TSPAN15: variants seen among roughly 807,000 people sequenced by gnomAD.
TSPAN15 encodes the protein tetraspanin-15.
A neutral mutation model predicts 34.5 loss-of-function variants in TSPAN15; 20 were observed. The ratio of observed to expected loss-of-function variants is 0.58; its 90% CI spans 0.41 to 0.84. TSPAN15 has a LOEUF of 0.84. TSPAN15 is among the 40% of genes least tolerant of loss of function. TSPAN15 has a pLI of 0.00. For missense variants in TSPAN15, 313 were observed against 386.1 expected, an observed-to-expected ratio of 0.81 and a Z score of 1.59; for synonymous variants, 155 against 153.9, an observed-to-expected ratio of 1.01 and a Z score of -0.05.
the TSPAN15 span, among the ~76,000 whole-genome samples, chr10:69,535,923 G>T: frequency 6.6e-6 from 1 of 152,358 alleles, no homozygotes; most frequent in South Asian, 2.1e-4. Flanking sequence ...CCCAGGGGTT[G>T]TGGGGGCAAA....
the TSPAN15 span, among the ~76,000 whole-genome samples, chr10:69,524,811 G>C: frequency 7.1e-6 from 1 of 140,522 alleles, no homozygotes; most frequent in Non-Finnish European, 1.5e-5. Context: ...ACGAAGTCTC[G>C]CTCTTGTCAC....
the TSPAN15 span, among the ~76,000 whole-genome samples, chr10:69,538,282 C>T: frequency 0.19 from 28,815 of 151,916 alleles, 2,998 homozygotes; most frequent in East Asian, 0.29. Flanking sequence ...GAATGTGGGT[C>T]GGAGAAAGAG....
At chr10:69,502,371 A>C (rs1478324363) in intron 5 of TSPAN15, among the ~76,000 whole-genome samples, 1 of 151,458 alleles carries the variant, frequency 6.6e-6, no homozygotes, top group African/African-American at 2.4e-5. Flanking sequence ...ATTTTCACGT[A>C]CCTCCCCTCC....
At chr10:69,540,825 G>T in the TSPAN15 span, among the ~76,000 whole-genome samples, 1 of 151,856 alleles carries the variant, frequency 6.6e-6, no homozygotes, top group Non-Finnish European at 1.5e-5. Flanking sequence ...GACCAGGTGG[G>T]AGGGGCGAGG....
the TSPAN15 span, among the ~76,000 whole-genome samples, chr10:69,527,232 T>C: frequency 4.1e-5 from 6 of 147,902 alleles, 1 homozygote; most frequent in Non-Finnish European, 8.9e-5. Context: ...CTGGGCCACG[T>C]TGGAAAAAGA....
chr10:69,500,636 G>A (rs1842185198), intron 5 of TSPAN15, among the ~76,000 whole-genome samples: 2 of 152,136 alleles, frequency 1.3e-5, no homozygotes, highest in South Asian at 2.1e-4. Flanking sequence ...TATGGTCACT[G>A]AGGAGAGGGC....
intron 1 of TSPAN15, among the ~76,000 whole-genome samples, chr10:69,467,857 G>A (rs769977169): frequency 4.7e-5 from 7 of 150,096 alleles, no homozygotes; most frequent in Non-Finnish European, 8.9e-5. Context: ...CAGCATCACA[G>A]TTTATACATT....
chr10:69,543,902 T>TGTG, the TSPAN15 span, among the ~76,000 whole-genome samples: 1 of 78,328 alleles, frequency 1.3e-5, no homozygotes, highest in Non-Finnish European at 2.7e-5. Context: ...TGTGTGTGTG[T>TGTG]AGGGAGGCTC....
chr10:69,477,024 G>T (rs1841628391), intron 1 of TSPAN15, among the ~76,000 whole-genome samples: 1 of 152,152 alleles, frequency 6.6e-6, no homozygotes, highest in Non-Finnish European at 1.5e-5. Flanking sequence ...GAGTGGGACA[G>T]CAGGAACCCA....
chr10:69,469,145 A>C (rs1459846553), intron 1 of TSPAN15, among the ~76,000 whole-genome samples: 1 of 151,244 alleles, frequency 6.6e-6, no homozygotes, highest in East Asian at 1.9e-4. Flanking sequence ...AACCAGTAGA[A>C]GAGAAAAACT....
At chr10:69,485,711 C>T (rs1038777662) in intron 3 of TSPAN15, among the ~76,000 whole-genome samples, 10 of 152,028 alleles carry the variant, frequency 6.6e-5, no homozygotes, top group Non-Finnish European at 1.3e-4. Context: ...TGTACCATGG[C>T]TGCTGAGTTG....
intron 4 of TSPAN15, among the ~76,000 whole-genome samples, chr10:69,496,442 C>A (rs1419305607): frequency 6.6e-6 from 1 of 152,006 alleles, no homozygotes; most frequent in East Asian, 1.9e-4. Context: ...TGAGCCTCAG[C>A]TTCCTCACCT....
At chr10:69,495,299 G>A in intron 3 of TSPAN15, 1 of 329,628 alleles carries the variant, frequency 3.0e-6, no homozygotes, top group Non-Finnish European at 5.7e-6. Context: ...CCCAAGCACG[G>A]CCCCAGCCTC....
chr10:69,518,403 T>C, the TSPAN15 span, among the ~76,000 whole-genome samples: 1 of 151,840 alleles, frequency 6.6e-6, no homozygotes, highest in Admixed American at 6.6e-5. Flanking sequence ...TAAATAGAAG[T>C]TATTAAAGAA....
chr10:69,540,074 A>C, the TSPAN15 span, among the ~76,000 whole-genome samples: 1 of 151,832 alleles, frequency 6.6e-6, no homozygotes, highest in Non-Finnish European at 1.5e-5. Context: ...TATTTTTAGT[A>C]GAGACAGGGT....
At chr10:69,451,808 G>C (rs1840975719) in intron 1 of TSPAN15, 118 bp downstream of exon 1, 1 of 747,824 alleles carries the variant, frequency 1.3e-6, no homozygotes, top group Non-Finnish European at 1.9e-6. Context: ...GGGTGAGCGC[G>C]CGCGGACTCC....
chr10:69,451,550 C>T lies in TSPAN15; in HGVS notation c.-45C>T, dbSNP rs376874751. ...ACGAGCGCTGGCTGAGGGACCGAGC[C>T]GGAGAGCCCCGGAGCCCCCGTAACC... On this transcript the variant is annotated 5_prime_UTR_variant, in exon 1 of 8. Coordinates refer to ENST00000373290, the MANE Select transcript of TSPAN15 (RefSeq NM_012339.5). 11 of 1,350,990 alleles carry T rather than the reference C, an allele frequency of 8.1e-6. No individual in the cohort carries two copies. Among genetic ancestry groups the T allele is most frequent in the Non-Finnish European group, 1.0e-5 (11 of 1,049,306 alleles). 83.7% of individuals were successfully genotyped at this position (1,350,990 alleles called of 1,614,324 possible). A position where few individuals can be genotyped will look rare whatever the true frequency, so the allele number is the denominator to read the frequency against.
At chr10:69,540,381 G>A in the TSPAN15 span, among the ~76,000 whole-genome samples, 2 of 152,170 alleles carry the variant, frequency 1.3e-5, no homozygotes, top group Admixed American at 6.5e-5. Flanking sequence ...TTATTTTGGT[G>A]CCCATGCACA....
At chr10:69,462,155 GTTTTTTTTTTTT>G (rs755068937) in intron 1 of TSPAN15, among the ~76,000 whole-genome samples, 8 of 82,704 alleles carry the variant, frequency 9.7e-5, no homozygotes, top group South Asian at 4.6e-4. Context: ...TAATTTTAAA[GTTTTTTTTTTTT>G]TTTTTTTTTT....
Sources: gnomAD v4.1 joint callset for allele counts (sites outside exome capture counted in the v4.1 genomes callset) on GRCh38, gnomAD v4.1.1 for gene constraint, MANE v1.5 for transcripts, NCBI Gene and HGNC (gene_info 2026-07-23, HGNC 2026-07-21) for gene names.